CDH18: variants seen among roughly 807,000 people sequenced by gnomAD.
CDH18 encodes the protein cadherin-18.
In CDH18, 31 loss-of-function variants were observed where a neutral mutation model predicts 67.9. That is an observed-to-expected ratio of 0.46 (90% confidence interval 0.34 to 0.62). CDH18 has a LOEUF of 0.62. Ranked by LOEUF, CDH18 falls within the 20% of genes least tolerant of loss-of-function variation. CDH18 has a pLI of 0.01. For synonymous variants in CDH18, 362 were observed against 347.2 expected, an observed-to-expected ratio of 1.04 and a Z score of -0.48; for missense variants, 890 against 975.5, an observed-to-expected ratio of 0.91 and a Z score of 1.17.
chr5:19,810,274 T>C (rs1778499103), intron 3 of CDH18, among the ~76,000 whole-genome samples: 1 of 151,964 alleles, frequency 6.6e-6, no homozygotes, highest in Non-Finnish European at 1.5e-5. Context: ...GAGGTTTCAG[T>C]GACCCAAGAT....
chr5:19,668,115 C>T (rs1405912339), intron 5 of CDH18, among the ~76,000 whole-genome samples: 2 of 152,114 alleles, frequency 1.3e-5, no homozygotes, highest in Middle Eastern at 3.4e-3. Flanking sequence ...TAAAAATTCA[C>T]ATATTTGAGA....
chr5:20,199,556 T>C (rs978342046), intron 2 of CDH18, among the ~76,000 whole-genome samples: 2 of 152,122 alleles, frequency 1.3e-5, no homozygotes, highest in East Asian at 3.9e-4. Flanking sequence ...TTGCCTCAGA[T>C]GAGATTTTGG....
At chr5:20,241,100 C>T (rs1742859342) in intron 2 of CDH18, among the ~76,000 whole-genome samples, 1 of 152,116 alleles carries the variant, frequency 6.6e-6, no homozygotes, top group African/African-American at 2.4e-5. Flanking sequence ...TATTTACAGT[C>T]TTCCTCTGTG....
At position 19,505,030 on chromosome 5, in the gene CDH18, C is replaced by T. The variant is rs540454199; in HGVS notation, c.1513-1921G>A. ...ATACCTGTTAAACTCTGATATAATT[C>T]CTATTCTATTGTGTTTGTAAGGCAT... On this transcript the variant is annotated intron_variant, in intron 10 of 12. Coordinates refer to ENST00000382275, the MANE Select transcript of CDH18 (RefSeq NM_004934.5). Among the ~76,000 whole-genome samples, 3 of 152,040 alleles carry T rather than the reference C, an allele frequency of 2.0e-5. No homozygotes were observed. In the South Asian group the frequency reaches 6.2e-4, roughly 32 times the overall value.
chr5:20,336,786 GA>G (rs983482669), intron 1 of CDH18, among the ~76,000 whole-genome samples: 1 of 134,984 alleles, frequency 7.4e-6, no homozygotes, highest in Non-Finnish European at 1.6e-5. Context: ...ATGTTGCTCA[GA>G]AGGGACTGTC....
chr5:20,022,329 T>C (rs1002057029), intron 2 of CDH18, among the ~76,000 whole-genome samples: 7 of 152,220 alleles, frequency 4.6e-5, no homozygotes, highest in African/African-American at 1.7e-4. Flanking sequence ...AATTTGCCAA[T>C]GTAAGGATTA....
intron 2 of CDH18, among the ~76,000 whole-genome samples, chr5:20,223,271 G>A (rs539652713): frequency 2.0e-5 from 3 of 152,138 alleles, no homozygotes; most frequent in East Asian, 1.9e-4. Flanking sequence ...AAGATTTGAC[G>A]GCCCTACTTG....
intron 12 of CDH18, among the ~76,000 whole-genome samples, chr5:19,479,943 C>A (rs1739123165): frequency 6.6e-6 from 1 of 152,118 alleles, no homozygotes; most frequent in South Asian, 2.1e-4. Context: ...TTCATAAAAA[C>A]CAATTAAAAT....
chr5:20,222,163 C>T (rs1170072645), intron 2 of CDH18, among the ~76,000 whole-genome samples: 1 of 152,140 alleles, frequency 6.6e-6, no homozygotes, highest in Non-Finnish European at 1.5e-5. Flanking sequence ...CTCTGCCCTA[C>T]TTTCTAGACC....
chr5:20,326,631 C>T (rs569682976), intron 1 of CDH18, among the ~76,000 whole-genome samples: 5 of 151,732 alleles, frequency 3.3e-5, no homozygotes, highest in South Asian at 2.1e-4. Flanking sequence ...CTCCGCCTCC[C>T]GGGTTCACGC....
chr5:20,463,154 C>T (rs1244028086), intron 1 of CDH18, among the ~76,000 whole-genome samples: 1 of 151,684 alleles, frequency 6.6e-6, no homozygotes, highest in Non-Finnish European at 1.5e-5. Flanking sequence ...GAAATGGGTA[C>T]TGTTCATTCA....
intron 3 of CDH18, among the ~76,000 whole-genome samples, chr5:19,801,649 A>G (rs1007199123): frequency 6.6e-6 from 1 of 152,222 alleles, no homozygotes; most frequent in Non-Finnish European, 1.5e-5. Context: ...GGGAATATAC[A>G]CCAGATCAGA....
chr5:20,538,462 G>A (rs17839235), intron 1 of CDH18, among the ~76,000 whole-genome samples: 1,532 of 152,192 alleles, frequency 0.01, 20 homozygotes, highest in African/African-American at 0.035. Flanking sequence ...TATTTGCTAT[G>A]AGCATGCATG....
chr5:20,419,284 T>A (rs907431598), intron 1 of CDH18, among the ~76,000 whole-genome samples: 3 of 152,018 alleles, frequency 2.0e-5, no homozygotes, highest in Non-Finnish European at 2.9e-5. Flanking sequence ...AACCTCTTTT[T>A]CTACCGAGTC....
intron 1 of CDH18, among the ~76,000 whole-genome samples, chr5:20,280,359 C>A (rs1185287195): frequency 6.6e-6 from 1 of 152,078 alleles, no homozygotes; most frequent in Non-Finnish European, 1.5e-5. Flanking sequence ...TCCCTCCCCA[C>A]TCCTCCCACC....
intron 3 of CDH18, among the ~76,000 whole-genome samples, chr5:19,765,069 C>G (rs1443759234): frequency 6.6e-6 from 1 of 152,156 alleles, no homozygotes; most frequent in Non-Finnish European, 1.5e-5. Flanking sequence ...CCCACATAAG[C>G]CCTGTCATTT....
intron 1 of CDH18, among the ~76,000 whole-genome samples, chr5:20,520,572 G>T (rs182706834): frequency 2.0e-5 from 3 of 152,044 alleles, no homozygotes; most frequent in African/African-American, 7.2e-5. Context: ...AAATACAAGG[G>T]TAGTGAGGCA....
intron 2 of CDH18, among the ~76,000 whole-genome samples, chr5:20,031,560 T>G (rs1413300972): frequency 6.6e-6 from 1 of 151,998 alleles, no homozygotes. Flanking sequence ...CTCTTTCTAA[T>G]TTCTTCAATT....
At chr5:20,352,163 G>C (rs1368023808) in intron 1 of CDH18, among the ~76,000 whole-genome samples, 1 of 152,126 alleles carries the variant, frequency 6.6e-6, no homozygotes, top group Non-Finnish European at 1.5e-5. Flanking sequence ...ATTTTCTTCT[G>C]CTTCTGCAAC....
Sources: allele counts gnomAD v4.1 joint callset (sites outside exome capture counted in the v4.1 genomes callset), GRCh38; gene constraint gnomAD v4.1.1; transcripts MANE v1.5; gene names NCBI Gene and HGNC (gene_info 2026-07-23, HGNC 2026-07-21).